The following GMDS variants were observed in gnomAD, a reference collection of about 807,000 sequenced individuals.
The protein encoded by GMDS is GDP-mannose 4,6-dehydratase.
In GMDS, 20 loss-of-function variants were observed where a neutral mutation model predicts 49.9. That is an observed-to-expected ratio of 0.40 (90% CI 0.28 to 0.58). The LOEUF is 0.58. GMDS is among the 20% of genes least tolerant of loss of function. The pLI, the probability that GMDS is intolerant of heterozygous loss-of-function variation, is 0.42. For missense variants in GMDS, 362 were observed against 481.4 expected, an observed-to-expected ratio of 0.75 and a Z score of 2.32; for synonymous variants, 177 against 178.6, an observed-to-expected ratio of 0.99 and a Z score of 0.07.
At chr6:2,189,197 G>GA (rs60762913) in intron 1 of GMDS, among the ~76,000 whole-genome samples, 8 of 152,198 alleles carry the variant, frequency 5.3e-5, no homozygotes, top group African/African-American at 1.9e-4. Context: ...TGGTCTGAGG[G>GA]AAAAAAGGGA....
Position 2,163,420 on chromosome 6 carries a change from TG to T in GMDS, c.103-38690del, listed in dbSNP as rs1438720672. Among the ~76,000 whole-genome samples the T allele has an allele frequency of 4.9e-5, 6 of 123,462 alleles. No homozygotes were observed. The East Asian group carries it at 1.0e-3, about 21-fold the overall frequency. 81.0% of individuals were successfully genotyped at this position (123,462 alleles called of 152,430 possible). A position where few individuals can be genotyped will look rare whatever the true frequency, so the allele number is the denominator to read the frequency against. ...TGGACCAACAACATGTGTGTGTCTA[TG>T]TGTGTGTGTGTGTGTGAGAGAGAGA... is the stretch of plus-strand genomic sequence containing the variant. On this transcript the variant is annotated intron_variant, in intron 1 of 10. Coordinates refer to ENST00000380815, the MANE Select transcript of GMDS (RefSeq NM_001500.4).
chr6:2,082,867 G>A (rs1448091260), intron 4 of GMDS, among the ~76,000 whole-genome samples: 3 of 152,194 alleles, frequency 2.0e-5, no homozygotes, highest in African/African-American at 7.2e-5. Flanking sequence ...CTCACTGGAT[G>A]ACAAAACCGA....
intron 6 of GMDS, among the ~76,000 whole-genome samples, chr6:1,948,894 G>A (rs554057617): frequency 6.4e-4 from 97 of 152,152 alleles, no homozygotes; most frequent in African/African-American, 2.3e-3. Flanking sequence ...GTGTCTCGCC[G>A]AACTACTCTG....
intron 7 of GMDS, among the ~76,000 whole-genome samples, chr6:1,805,776 T>C (rs1770150463): frequency 6.6e-6 from 1 of 152,230 alleles, no homozygotes; most frequent in African/African-American, 2.4e-5. Flanking sequence ...TTTTATCTCC[T>C]ACTATGGTTG....
intron 7 of GMDS, among the ~76,000 whole-genome samples, chr6:1,798,284 C>T (rs1435432013): frequency 7.3e-6 from 1 of 136,936 alleles, no homozygotes; most frequent in Non-Finnish European, 1.6e-5. Flanking sequence ...CACACACACA[C>T]TCCTGTCTTA....
chr6:1,793,931 C>T (rs111380227), intron 7 of GMDS, among the ~76,000 whole-genome samples: 2 of 152,226 alleles, frequency 1.3e-5, no homozygotes, highest in African/African-American at 4.8e-5. Context: ...AGGACAGAGT[C>T]GCCAATAATG....
In GMDS at chr6:1,883,389, C is replaced by CA. The variant is rs1240869998; in HGVS notation, c.771+46713dup. Among the ~76,000 whole-genome samples the CA allele has an allele frequency of 5.3e-5, 8 of 150,744 alleles. No homozygotes were observed. The South Asian group carries it at 1.0e-3, about 20-fold the overall frequency. On this transcript the variant is annotated intron_variant, in intron 7 of 10. Coordinates refer to ENST00000380815, the MANE Select transcript of GMDS (RefSeq NM_001500.4). ...CTAATGACAAAGCGAGACTCCATCT[C>CA]AAAAAAAATAAAATAAAATGATAAT...
intron 1 of GMDS, among the ~76,000 whole-genome samples, chr6:2,146,486 G>A (rs9378685): frequency 5.3e-5 from 8 of 152,076 alleles, no homozygotes; most frequent in African/African-American, 1.4e-4. Context: ...TTGAGTCTCC[G>A]GCATTAACAA....
chr6:1,873,536 C>G (rs1211665155), intron 7 of GMDS, among the ~76,000 whole-genome samples: 2 of 152,142 alleles, frequency 1.3e-5, no homozygotes, highest in African/African-American at 4.8e-5. Flanking sequence ...AAATGAAATG[C>G]CAGCTGACAT....
chr6:2,065,607 A>G (rs1440253629), intron 4 of GMDS, among the ~76,000 whole-genome samples: 1 of 152,222 alleles, frequency 6.6e-6, no homozygotes, highest in Non-Finnish European at 1.5e-5. Flanking sequence ...CCAAGGCTCG[A>G]GAACTACGTG....
At chr6:1,741,044 T>C (rs184933764) in intron 8 of GMDS, among the ~76,000 whole-genome samples, 1 of 152,204 alleles carries the variant, frequency 6.6e-6, no homozygotes, top group Non-Finnish European at 1.5e-5. Context: ...TTTTTGTTTT[T>C]AAAATTTTAA....
chr6:1,638,279 A>G (rs1481137674), intron 9 of GMDS, among the ~76,000 whole-genome samples: 1 of 152,210 alleles, frequency 6.6e-6, no homozygotes, highest in Non-Finnish European at 1.5e-5. Flanking sequence ...CCCTGGGTTT[A>G]GAGCAAAACA....
At chr6:1,708,538 C>A (rs560127039) in intron 9 of GMDS, among the ~76,000 whole-genome samples, 1 of 152,218 alleles carries the variant, frequency 6.6e-6, no homozygotes, top group Non-Finnish European at 1.5e-5. Context: ...ATGGATCGGG[C>A]GAGAGCCCCA....
chr6:1,746,241 G>T (rs1170037988), intron 7 of GMDS, among the ~76,000 whole-genome samples: 1 of 152,126 alleles, frequency 6.6e-6, no homozygotes, highest in Non-Finnish European at 1.5e-5. Context: ...GTCTCTCAAG[G>T]AATGAAGGAG....
intron 4 of GMDS, among the ~76,000 whole-genome samples, chr6:1,977,271 C>T (rs1010514105): frequency 6.6e-6 from 1 of 152,188 alleles, no homozygotes; most frequent in Non-Finnish European, 1.5e-5. Context: ...TGACAATTAA[C>T]TAAAAATCCA....
At chr6:2,195,495 T>G (rs867883529) in intron 1 of GMDS, among the ~76,000 whole-genome samples, 2 of 152,230 alleles carry the variant, frequency 1.3e-5, no homozygotes, top group Non-Finnish European at 2.9e-5. Context: ...AGCAAATACT[T>G]TGACATTTTA....
chr6:1,872,253 C>G (rs1758799686), intron 7 of GMDS, among the ~76,000 whole-genome samples: 1 of 152,222 alleles, frequency 6.6e-6, no homozygotes, highest in South Asian at 2.1e-4. Context: ...TGCTTGTTTT[C>G]ACAAAGGGAA....
At chr6:1,706,057 T>C (rs1427001967) in intron 9 of GMDS, among the ~76,000 whole-genome samples, 3 of 152,170 alleles carry the variant, frequency 2.0e-5, no homozygotes, top group Non-Finnish European at 4.4e-5. Context: ...TTGGAACTAA[T>C]ATGGGAGGAA....
intron 1 of GMDS, among the ~76,000 whole-genome samples, chr6:2,195,086 G>A (rs932069580): frequency 6.6e-6 from 1 of 152,004 alleles, no homozygotes; most frequent in African/African-American, 2.4e-5. Context: ...AGTTAGCAAG[G>A]GTAAAATCAT....
Sources: allele counts gnomAD v4.1 joint callset (sites outside exome capture counted in the v4.1 genomes callset), GRCh38; gene constraint gnomAD v4.1.1; transcripts MANE v1.5; gene names NCBI Gene and HGNC (gene_info 2026-07-23, HGNC 2026-07-21).